DIAPH2: variants seen among roughly 807,000 people sequenced by gnomAD.
DIAPH2 encodes diaphanous related formin 2.
DIAPH2 carries 35 observed loss-of-function variants against 92.7 expected under a neutral mutation model. That is an observed-to-expected ratio of 0.38 (90% CI 0.29 to 0.50). The LOEUF (loss-of-function observed/expected upper bound fraction) is 0.50, where lower values mean the gene tolerates loss of function less well. Ranked by LOEUF, DIAPH2 falls within the 20% of genes least tolerant of loss-of-function variation. DIAPH2 has a pLI of 0.94. For synonymous variants in DIAPH2, 301 were observed against 280.4 expected, an observed-to-expected ratio of 1.07 and a Z score of -0.73; for missense variants, 701 against 819.5, an observed-to-expected ratio of 0.86 and a Z score of 1.77.
intron 21 of DIAPH2, among the ~76,000 whole-genome samples, chrX:97,115,390 GT>G (rs1251014268): frequency 1.8e-5 from 2 of 110,152 alleles, no homozygotes; most frequent in Non-Finnish European, 3.8e-5. Flanking sequence ...ACAAAAATTA[GT>G]GGGGCGCGGT....
intron 4 of DIAPH2, among the ~76,000 whole-genome samples, chrX:96,836,399 C>A (rs1222933220): frequency 9.2e-6 from 1 of 108,926 alleles, no homozygotes; most frequent in Non-Finnish European, 1.9e-5. Context: ...TGATAAATGA[C>A]TGTACTCAAA....
At chrX:97,537,638 C>G (rs1339797993) in intron 26 of DIAPH2, among the ~76,000 whole-genome samples, 1 of 111,017 alleles carries the variant, frequency 9.0e-6, no homozygotes, top group Non-Finnish European at 1.9e-5. Context: ...ATGTGGTTCC[C>G]TTCCATCTTC....
Position 96,893,018 on chromosome X carries a change from G to A in DIAPH2, c.587+11300G>A, listed in dbSNP as rs750172104. 2.7e-5 allele frequency among the ~76,000 whole-genome samples: 3 copies of A among 111,486 alleles called. No homozygotes were observed. The East Asian group carries it at 8.4e-4, about 31-fold the overall frequency. The stretch of plus-strand genomic sequence containing the variant: ...TCTACTTATTCAAAATTAGTCTTGG[G>A]AAGAAAATGCTTATAAATATGTCAT... On this transcript the variant is annotated intron_variant, in intron 5 of 26. Transcript: ENST00000324765.
intron 20 of DIAPH2, among the ~76,000 whole-genome samples, chrX:97,112,035 T>C (rs974374824): frequency 1.2e-4 from 14 of 112,298 alleles, no homozygotes; most frequent in African/African-American, 3.9e-4. Context: ...AAGCATACTT[T>C]GGTTATGTAA....
chrX:97,165,416 C>T (rs771857392), intron 22 of DIAPH2, among the ~76,000 whole-genome samples: 11 of 111,901 alleles, frequency 9.8e-5, no homozygotes, highest in African/African-American at 1.9e-4. Context: ...GTGAATTATA[C>T]GCTTTTGTTT....
intron 22 of DIAPH2, among the ~76,000 whole-genome samples, chrX:97,146,033 T>TTTA (rs1325188184): frequency 1.1e-5 from 1 of 87,359 alleles, no homozygotes; most frequent in Non-Finnish European, 2.4e-5. Context: ...TTTTTTTTTT[T>TTTA]ACTAAAGCCT....
intron 19 of DIAPH2, among the ~76,000 whole-genome samples, chrX:97,088,222 C>A (rs1460032975): frequency 3.6e-5 from 4 of 111,682 alleles, no homozygotes; most frequent in African/African-American, 6.5e-5. Flanking sequence ...CTTCTCCATG[C>A]CTTTGCACCT....
intron 22 of DIAPH2, among the ~76,000 whole-genome samples, chrX:97,240,313 T>TA (rs913388754): frequency 1.8e-5 from 2 of 111,360 alleles, no homozygotes; most frequent in African/African-American, 6.5e-5. Context: ...TTCTCTTTAT[T>TA]AAAAAAAGAC....
At chrX:96,901,813 G>T (rs2065399140) in intron 5 of DIAPH2, among the ~76,000 whole-genome samples, 1 of 110,661 alleles carries the variant, frequency 9.0e-6, no homozygotes, top group South Asian at 3.9e-4. Context: ...GGGATTACAG[G>T]TGTGAGCTAC....
rs192464838 is a variant in DIAPH2, at chrX:96,755,156, G to T, written c.343-2998G>T. 9.8e-3 allele frequency among the ~76,000 whole-genome samples: 1,081 copies of T among 110,238 alleles called. 7 individuals carry two copies. Among genetic ancestry groups the T allele is most frequent in the Non-Finnish European group, 0.016 (854 of 52,855 alleles). ...CATTAGATAGAAAAGTGGGGATAGG[G>T]ACAGTGATCCAGATAATTAGGAAGA... is the stretch of plus-strand genomic sequence containing the variant. On this transcript the variant is annotated intron_variant, in intron 3 of 26. Transcript: ENST00000324765.
intron 4 of DIAPH2, among the ~76,000 whole-genome samples, chrX:96,878,432 A>T (rs960272384): frequency 2.7e-5 from 3 of 111,938 alleles, no homozygotes; most frequent in Non-Finnish European, 3.8e-5. Context: ...TTTAAGGGCC[A>T]GTCCAGCCTT....
intron 9 of DIAPH2, among the ~76,000 whole-genome samples, chrX:96,923,551 C>G (rs949409628): frequency 5.4e-5 from 6 of 111,976 alleles, no homozygotes; most frequent in Admixed American, 4.7e-4. Context: ...TATTTATTCT[C>G]TTTTCATATG....
At chrX:96,700,554 A>T (rs988180079) in intron 1 of DIAPH2, among the ~76,000 whole-genome samples, 5 of 112,604 alleles carry the variant, frequency 4.4e-5, no homozygotes, top group African/African-American at 6.5e-5. Flanking sequence ...ATTTGCTGAG[A>T]GGCATCTCCT....
chrX:97,185,455 G>A (rs76166414), intron 22 of DIAPH2, among the ~76,000 whole-genome samples: 25 of 9,108 alleles, frequency 2.7e-3, no homozygotes, highest in African/African-American at 5.9e-3. Flanking sequence ...ATATGTGTGT[G>A]TATATATATA....
At chrX:96,852,093 T>C (rs1366350164) in intron 4 of DIAPH2, among the ~76,000 whole-genome samples, 1 of 112,475 alleles carries the variant, frequency 8.9e-6, no homozygotes, top group Non-Finnish European at 1.9e-5. Context: ...TAGTCCATTT[T>C]ATATTTTCAA....
chrX:96,917,366 A>T (rs907189992), intron 8 of DIAPH2, among the ~76,000 whole-genome samples: 5 of 111,343 alleles, frequency 4.5e-5, no homozygotes, highest in African/African-American at 1.6e-4. Flanking sequence ...GTAAAATGAG[A>T]TGTTGCTTAG....
chrX:96,939,802 C>G (rs1459538306), intron 12 of DIAPH2, among the ~76,000 whole-genome samples: 1 of 79,481 alleles, frequency 1.3e-5, no homozygotes, highest in African/African-American at 5.3e-5. Flanking sequence ...GTAGCTGGGA[C>G]TACAGGCGCG....
chrX:97,237,074 A>G (rs1277073941), intron 22 of DIAPH2, among the ~76,000 whole-genome samples: 3 of 112,321 alleles, frequency 2.7e-5, no homozygotes. Flanking sequence ...ACCTATAAAC[A>G]TATACTCAAA....
chrX:97,552,045 G>A (rs1012379527), intron 26 of DIAPH2, among the ~76,000 whole-genome samples: 2 of 111,770 alleles, frequency 1.8e-5, no homozygotes, highest in East Asian at 2.8e-4. Flanking sequence ...CTGTGTGATC[G>A]TGATCTGATC....
Sources: allele counts gnomAD v4.1 joint callset (sites outside exome capture counted in the v4.1 genomes callset), GRCh38; gene constraint gnomAD v4.1.1; transcripts MANE v1.5; gene names NCBI Gene and HGNC (gene_info 2026-07-23, HGNC 2026-07-21).